The following BMPR1B variants were observed in gnomAD, a reference collection of about 807,000 sequenced individuals.
BMPR1B encodes the protein bone morphogenetic protein receptor type-1B.
Under a neutral mutation model 59.1 loss-of-function variants are expected in BMPR1B, and 12 were observed. The observed-to-expected ratio is 0.20, with a 90% CI of 0.13 to 0.33. The LOEUF (loss-of-function observed/expected upper bound fraction) is 0.33. Ranked by LOEUF, BMPR1B falls within the 10% of genes least tolerant of loss-of-function variation. The pLI is 1.00. For missense variants in BMPR1B, 550 were observed against 610.9 expected (o/e 0.90, Z 1.05); for synonymous variants, 237 against 207.3 (o/e 1.14, Z -1.23).
intron 2 of BMPR1B, among the ~76,000 whole-genome samples, chr4:94,985,624 A>G (rs546754208): frequency 1.3e-5 from 2 of 151,302 alleles, no homozygotes; most frequent in African/African-American, 4.9e-5. Context: ...CATGGTAATT[A>G]TTGTGTTTTC....
intron 3 of BMPR1B, among the ~76,000 whole-genome samples, chr4:95,066,745 T>C (rs1727835972): frequency 6.6e-6 from 1 of 152,258 alleles, no homozygotes; most frequent in Middle Eastern, 3.4e-3. Context: ...TCAACTAAAA[T>C]CCACTGAATC....
intron 3 of BMPR1B, among the ~76,000 whole-genome samples, chr4:95,049,419 G>GTTTTTTTTTTTTTTTTTTT (rs761496965): frequency 1.3e-5 from 1 of 77,404 alleles, no homozygotes; most frequent in African/African-American, 5.2e-5. Context: ...CAGCATAAAA[G>GTTTTTTTTTTTTTTTTTTT]TTTTTTTTTT....
At chr4:95,135,393 G>A (rs1175158216) in intron 10 of BMPR1B, among the ~76,000 whole-genome samples, 1 of 152,040 alleles carries the variant, frequency 6.6e-6, no homozygotes, top group Non-Finnish European at 1.5e-5. Flanking sequence ...TTCCAATTCT[G>A]TGAAGAAAGT....
At chr4:94,763,336 A>G (rs1721850503) in intron 1 of BMPR1B, among the ~76,000 whole-genome samples, 2 of 152,238 alleles carry the variant, frequency 1.3e-5, no homozygotes, top group Admixed American at 6.5e-5. Flanking sequence ...GTTACACATC[A>G]TTGTACTCCC....
chr4:94,841,410 G>C (rs773070232), intron 1 of BMPR1B, among the ~76,000 whole-genome samples: 15,822 of 146,934 alleles, frequency 0.11, 969 homozygotes, highest in Non-Finnish European at 0.12. Flanking sequence ...TAGCAATCAG[G>C]GAGACTCCAT....
rs768661250 is a variant in BMPR1B at position 94,999,053 on chromosome 4, GT to G, written c.-18+2920del. ...AGCCTGAATGGAGAAAGTCCTGCTGGTCTAATCTCAGACTCTGTGACTTGGC... is the reference window on the plus strand; with the variant it reads ...AGCCTGAATGGAGAAAGTCCTGCTGGCTAATCTCAGACTCTGTGACTTGGC... On this transcript the variant is annotated intron_variant, in intron 3 of 12. Coordinates refer to ENST00000515059, the MANE Select transcript of BMPR1B (RefSeq NM_001203.3). 1.4e-3 allele frequency among the ~76,000 whole-genome samples: 211 copies of G among 152,186 alleles called. 1 individual carries two copies. The highest frequency in any genetic ancestry group is 2.5e-3 in the Non-Finnish European group (170 of 68,018).
chr4:94,935,603 A>ATG (rs765504372), intron 2 of BMPR1B, among the ~76,000 whole-genome samples: 2 of 152,218 alleles, frequency 1.3e-5, no homozygotes, highest in Non-Finnish European at 2.9e-5. Flanking sequence ...AGTGACTTGT[A>ATG]TGTGTGTGAG....
intron 3 of BMPR1B, among the ~76,000 whole-genome samples, chr4:95,020,528 G>A (rs912670266): frequency 4.7e-5 from 7 of 149,116 alleles, no homozygotes; most frequent in South Asian, 2.1e-4. Flanking sequence ...GCAGTGAGCC[G>A]AGATTGCGCC....
intron 1 of BMPR1B, among the ~76,000 whole-genome samples, chr4:94,822,387 A>T (rs1405186331): frequency 6.6e-6 from 1 of 152,216 alleles, no homozygotes; most frequent in Non-Finnish European, 1.5e-5. Flanking sequence ...GACCACTTGA[A>T]TGTTTACAGT....
rs530705036 is a variant in BMPR1B, at chr4:94,817,773, G to A, written c.-182-58058G>A. On this transcript the variant is annotated intron_variant, in intron 1 of 12. Transcript: ENST00000515059. ...AGGGCGATGGTTTCCCCTAAGAAAA[G>A]GTATCAGGATCTTCAGAGAAAGAGA... Among the ~76,000 whole-genome samples the A allele has an allele frequency of 5.9e-5, 9 of 152,256 alleles. No homozygotes were observed. The South Asian group carries it at 1.5e-3, about 25-fold the overall frequency.
chr4:94,907,723 T>G (rs1728101666), intron 2 of BMPR1B, among the ~76,000 whole-genome samples: 2 of 151,952 alleles, frequency 1.3e-5, no homozygotes, highest in African/African-American at 4.8e-5. Flanking sequence ...ACGGTTTGCT[T>G]GTATGTGTTT....
At chr4:94,902,086 T>TGTGTGTGG (rs1411154828) in intron 2 of BMPR1B, among the ~76,000 whole-genome samples, 211 of 111,982 alleles carry the variant, frequency 1.9e-3, no homozygotes, top group Non-Finnish European at 3.3e-3. Context: ...TGTGTGTGTG[T>TGTGTGTGG]GGGGTGTATT....
chr4:94,912,909 T>C (rs1487367617), intron 2 of BMPR1B, among the ~76,000 whole-genome samples: 1 of 152,160 alleles, frequency 6.6e-6, no homozygotes, highest in Non-Finnish European at 1.5e-5. Context: ...TTGGATTCAT[T>C]CTTTCATGTA....
chr4:95,040,156 T>C (rs146609922), intron 3 of BMPR1B, among the ~76,000 whole-genome samples: 37 of 152,310 alleles, frequency 2.4e-4, no homozygotes, highest in African/African-American at 8.9e-4. Flanking sequence ...ACTATTAGTA[T>C]CTTCTCTTCT....
chr4:95,113,843 C>G (rs1395890071), intron 4 of BMPR1B, among the ~76,000 whole-genome samples: 1 of 152,098 alleles, frequency 6.6e-6, no homozygotes, highest in Admixed American at 6.6e-5. Context: ...GTTTGCTACA[C>G]TTTTATAATT....
At chr4:94,970,133 T>G (rs1730715949) in intron 2 of BMPR1B, among the ~76,000 whole-genome samples, 1 of 152,222 alleles carries the variant, frequency 6.6e-6, no homozygotes, top group Admixed American at 6.5e-5. Flanking sequence ...TAGTTTACTC[T>G]GACAATAATT....
rs376975954 is a variant in BMPR1B, at chr4:94,811,851, C to T, written c.-183+53783C>T. ...CAAAAAAAGTTTTCTCCTGAAATAT[C>T]GTGCCAGTATTTCCATATAAACATA... is the stretch of plus-strand genomic sequence containing the variant. On this transcript the variant is annotated intron_variant, in intron 1 of 12. Transcript: ENST00000515059. 1.7e-4 allele frequency among the ~76,000 whole-genome samples: 26 copies of T among 152,216 alleles called. No individual in the cohort carries two copies. In the South Asian group the frequency reaches 3.5e-3, roughly 21 times the overall value.
At chr4:95,010,412 A>G (rs909012718) in intron 3 of BMPR1B, among the ~76,000 whole-genome samples, 7 of 152,100 alleles carry the variant, frequency 4.6e-5, no homozygotes, top group Non-Finnish European at 7.4e-5. Flanking sequence ...GTTATCCACT[A>G]TTTTGGAACC....
At chr4:95,037,852 C>T (rs540821935) in intron 3 of BMPR1B, among the ~76,000 whole-genome samples, 8 of 152,070 alleles carry the variant, frequency 5.3e-5, no homozygotes, top group Admixed American at 2.6e-4. Flanking sequence ...ATTACATAGT[C>T]GCTGTTTCAA....
Sources: allele counts gnomAD v4.1 joint callset (sites outside exome capture counted in the v4.1 genomes callset), GRCh38; gene constraint gnomAD v4.1.1; transcripts MANE v1.5; gene names NCBI Gene and HGNC (gene_info 2026-07-23, HGNC 2026-07-21).